Variants in PARP11 observed in about 807,000 individuals in gnomAD.
PARP11 encodes the protein protein mono-ADP-ribosyltransferase PARP11.
In PARP11, 31 loss-of-function variants were observed where a neutral mutation model predicts 42.9. That is an observed-to-expected ratio of 0.72 (90% CI 0.54 to 0.98). The LOEUF is 0.98. Ranked by LOEUF, PARP11 falls within the 50% of genes least tolerant of loss-of-function variation. The pLI is 0.00. For missense variants in PARP11, 365 were observed against 413.1 expected, an observed-to-expected ratio of 0.88 and a Z score of 1.01; for synonymous variants, 137 against 127.3, an observed-to-expected ratio of 1.08 and a Z score of -0.51.
At chr12:3,827,453 G>C (rs1446952470) in intron 3 of PARP11, among the ~76,000 whole-genome samples, 4 of 151,980 alleles carry the variant, frequency 2.6e-5, no homozygotes, top group Non-Finnish European at 5.9e-5. Context: ...CTCTACATGA[G>C]GTCTGGTGTC....
intron 1 of PARP11, among the ~76,000 whole-genome samples, chr12:3,837,861 G>A (rs975340800): frequency 3.3e-5 from 5 of 151,414 alleles, no homozygotes; most frequent in Non-Finnish European, 7.4e-5. Context: ...GATAAAGAAG[G>A]TCAATAAATA....
chr12:3,872,597 C>G (rs1211829474), intron 1 of PARP11: 1 of 985,268 alleles, frequency 1.0e-6, no homozygotes, highest in South Asian at 4.7e-5. Flanking sequence ...TAAGAACATA[C>G]AGTCCATACT....
chr12:3,857,402 A>G (rs1948213354), intron 1 of PARP11, among the ~76,000 whole-genome samples: 1 of 152,214 alleles, frequency 6.6e-6, no homozygotes. Flanking sequence ...TAAACATCTG[A>G]CACTAGAACA....
At position 3,826,168 on chromosome 12, in the gene PARP11, T is replaced by C; in HGVS notation, c.334A>G (p.Ser112Gly). The C allele has an allele frequency of 6.3e-7, 1 of 1,590,594 alleles. No homozygotes were observed. ...TTCTCTTTACCATACCTGAAAGCAC[T>C]GATAGAAAAGGGGGCTCTTTTTATT... ...RLIKRAPFSI[S>G]AFSYICENEA... The change falls in exon 4 of 8, where the codon AGT (serine) becomes GGT (glycine). Residue 112 changes from serine (S) to glycine (G), a missense_variant. Physicochemically the swap from Ser to Gly is moderately conservative, Grantham distance 56 (BLOSUM62 0). Coordinates refer to ENST00000228820, the MANE Select transcript of PARP11 (RefSeq NM_020367.6).
intron 1 of PARP11, among the ~76,000 whole-genome samples, chr12:3,865,465 CCA>C (rs1948374993): frequency 6.6e-6 from 1 of 152,120 alleles, no homozygotes; most frequent in Non-Finnish European, 1.5e-5. Flanking sequence ...ACTGAAATCT[CCA>C]GTTAACTGGG....
chr12:3,873,062 C>T (rs2138149722), intron 1 of PARP11, 150 bp downstream of exon 1: 1 of 795,940 alleles, frequency 1.3e-6, no homozygotes, highest in Non-Finnish European at 2.2e-6. Context: ...AAGGTACAGA[C>T]TACAGAAGCC....
intron 1 of PARP11, among the ~76,000 whole-genome samples, chr12:3,859,482 G>A (rs1269119598): frequency 6.7e-6 from 1 of 149,774 alleles, no homozygotes; most frequent in East Asian, 2.0e-4. Flanking sequence ...GGAATCACTT[G>A]AACCAGGAGG....
At chr12:3,869,407 G>A (rs1359697997) in intron 1 of PARP11, among the ~76,000 whole-genome samples, 2 of 152,142 alleles carry the variant, frequency 1.3e-5, no homozygotes, top group African/African-American at 4.8e-5. Flanking sequence ...ACTCCTCTAA[G>A]GATAAAGTTC....
chr12:3,854,929 C>T (rs1948165920), intron 1 of PARP11, among the ~76,000 whole-genome samples: 1 of 152,160 alleles, frequency 6.6e-6, no homozygotes. Flanking sequence ...AAAAGCTTAT[C>T]CACCACCATC....
chr12:3,841,434 C>A lies in PARP11; in HGVS notation c.19-11416G>T, dbSNP rs147049870. Reference sequence around the variant, plus strand: ...ATCCCTGGTTCAAAGAGGCTCCTGCCGCCCAGAATTAAAGTGATTGTACCT... The same window carrying A: ...ATCCCTGGTTCAAAGAGGCTCCTGCAGCCCAGAATTAAAGTGATTGTACCT... On this transcript the variant is annotated intron_variant, in intron 1 of 7. Transcript: ENST00000228820. 4 of 1,338,716 alleles carry A rather than the reference C, an allele frequency of 3.0e-6. No homozygotes were observed. In the African/African-American group the frequency reaches 5.7e-5, roughly 19 times the overall value. 82.9% of individuals were successfully genotyped at this position (1,338,716 alleles called of 1,614,324 possible).
At chr12:3,858,602 C>T (rs1181414832) in intron 1 of PARP11, among the ~76,000 whole-genome samples, 1 of 152,182 alleles carries the variant, frequency 6.6e-6, no homozygotes, top group Non-Finnish European at 1.5e-5. Context: ...TCAAAAAATA[C>T]AGTGTATAGG....
chr12:3,855,311 G>C (rs1167182930), intron 1 of PARP11, among the ~76,000 whole-genome samples: 1 of 152,050 alleles, frequency 6.6e-6, no homozygotes, highest in Non-Finnish European at 1.5e-5. Flanking sequence ...AAAAATAAAG[G>C]GTATCCAATT....
chr12:3,871,199 A>T (rs1451028122), intron 1 of PARP11, among the ~76,000 whole-genome samples: 1 of 152,228 alleles, frequency 6.6e-6, no homozygotes, highest in African/African-American at 2.4e-5. Flanking sequence ...AATACTGATT[A>T]TAGGAAATTA....
intron 1 of PARP11, among the ~76,000 whole-genome samples, chr12:3,831,511 A>AT (rs570006317): frequency 1.3e-3 from 198 of 152,282 alleles, no homozygotes; most frequent in African/African-American, 4.6e-3. Flanking sequence ...AAAATGAAAA[A>AT]TGATAGACTC....
rs940957680 is a variant in PARP11 at position 3,809,650 on chromosome 12, T to C, written c.*2473A>G. On this transcript the variant is annotated 3_prime_UTR_variant, in exon 8 of 8. Coordinates refer to ENST00000228820, the MANE Select transcript of PARP11 (RefSeq NM_020367.6). Reference sequence around the variant, plus strand: ...TATAAAACTTGAAAAAAGATAGCCATGTTGAAGGGAGGACTATTTTAATGT... The same window carrying C: ...TATAAAACTTGAAAAAAGATAGCCACGTTGAAGGGAGGACTATTTTAATGT... The C allele has an allele frequency of 6.6e-6, 1 of 152,304 alleles. No individual in the cohort carries two copies. The highest frequency in any genetic ancestry group is 1.9e-4 in the East Asian group (1 of 5,186). 9.4% of individuals were successfully genotyped at this position (152,304 alleles called of 1,614,324 possible). A position where few individuals can be genotyped will look rare whatever the true frequency, so the allele number is the denominator to read the frequency against.
chr12:3,872,188 G>A (rs1948496039), intron 1 of PARP11, among the ~76,000 whole-genome samples: 1 of 152,082 alleles, frequency 6.6e-6, no homozygotes. Flanking sequence ...AGACCTTGCT[G>A]GGCTTCCTTC....
chr12:3,823,105 G>A (rs1050949865), intron 4 of PARP11, among the ~76,000 whole-genome samples: 1 of 152,182 alleles, frequency 6.6e-6, no homozygotes, highest in African/African-American at 2.4e-5. Flanking sequence ...ATCGCCTCCA[G>A]TGATTGGAGG....
At chr12:3,822,257 T>C in intron 4 of PARP11, 100 bp from the exon 5 acceptor site, 2 of 879,168 alleles carry the variant, frequency 2.3e-6, no homozygotes, top group Non-Finnish European at 3.6e-6. Flanking sequence ...TTTCAGGGTA[T>C]TGTGACAAAT....
chr12:3,849,333 C>G (rs959944254), intron 1 of PARP11, among the ~76,000 whole-genome samples: 1 of 151,988 alleles, frequency 6.6e-6, no homozygotes, highest in Non-Finnish European at 1.5e-5. Flanking sequence ...AAAATCAGTA[C>G]ACTGAAGGGA....
Sources: allele counts gnomAD v4.1 joint callset (sites outside exome capture counted in the v4.1 genomes callset), GRCh38; gene constraint gnomAD v4.1.1; transcripts MANE v1.5; gene names NCBI Gene and HGNC (gene_info 2026-07-23, HGNC 2026-07-21).